Variants in ENOX1 observed in about 807,000 individuals in gnomAD.
ENOX1 encodes ecto-NOX disulfide-thiol exchanger 1.
A neutral mutation model predicts 82.5 loss-of-function variants in ENOX1; 42 were observed. The observed-to-expected ratio is 0.51, with a 90% CI of 0.40 to 0.66. The LOEUF is 0.66. Among genes scored for constraint, ENOX1 ranks in the 30% least tolerant of loss-of-function variants. ENOX1 has a pLI of 0.00. For missense variants in ENOX1, 608 were observed against 811.6 expected (o/e 0.75, Z 3.05); for synonymous variants, 271 against 282.2 (o/e 0.96, Z 0.40).
chr13:43,663,564 T>G (rs1009688710), intron 2 of ENOX1, among the ~76,000 whole-genome samples: 2 of 152,190 alleles, frequency 1.3e-5, no homozygotes, highest in African/African-American at 4.8e-5. Context: ...CTTAGTTTTA[T>G]AGCTCCATCA....
chr13:43,312,824 T>C (rs1054579516), intron 11 of ENOX1, among the ~76,000 whole-genome samples: 17 of 152,140 alleles, frequency 1.1e-4, no homozygotes, highest in Admixed American at 5.2e-4. Flanking sequence ...GTTGCCTATA[T>C]TGAAGCAAAT....
At chr13:43,303,142 G>T (rs1321586395) in intron 11 of ENOX1, among the ~76,000 whole-genome samples, 1 of 152,194 alleles carries the variant, frequency 6.6e-6, no homozygotes, top group Non-Finnish European at 1.5e-5. Context: ...TCTTTTTCAA[G>T]AATTTCATTG....
chr13:43,397,181 C>G (rs541882074), intron 5 of ENOX1, among the ~76,000 whole-genome samples: 1 of 152,226 alleles, frequency 6.6e-6, no homozygotes, highest in Non-Finnish European at 1.5e-5. Context: ...ATGAAATCAT[C>G]GTTTTCCTCT....
intron 2 of ENOX1, among the ~76,000 whole-genome samples, chr13:43,539,084 A>G (rs887457781): frequency 6.6e-6 from 1 of 152,126 alleles, no homozygotes; most frequent in African/African-American, 2.4e-5. Flanking sequence ...CGGCCTCCAT[A>G]GTCACTGGGA....
chr13:43,335,140 T>C (rs1024170500), intron 9 of ENOX1, among the ~76,000 whole-genome samples: 8 of 152,208 alleles, frequency 5.3e-5, no homozygotes, highest in Non-Finnish European at 7.3e-5. Context: ...ATAGCAATTA[T>C]TTTTGGCTTT....
chr13:43,689,484 G>T (rs938275057), intron 1 of ENOX1, among the ~76,000 whole-genome samples: 2 of 152,182 alleles, frequency 1.3e-5, no homozygotes, highest in African/African-American at 4.8e-5. Flanking sequence ...TCTCTGACAA[G>T]CTGACATTAT....
intron 3 of ENOX1, among the ~76,000 whole-genome samples, chr13:43,454,924 C>T (rs1390937666): frequency 6.6e-6 from 1 of 151,952 alleles, no homozygotes. Flanking sequence ...CCGTCCAGCC[C>T]CTCTGGTCTA....
intron 5 of ENOX1, among the ~76,000 whole-genome samples, chr13:43,404,425 T>C (rs1338433493): frequency 6.6e-6 from 1 of 152,210 alleles, no homozygotes; most frequent in Non-Finnish European, 1.5e-5. Flanking sequence ...TTTAGAACTT[T>C]CTCATCTTTT....
At chr13:43,697,083 T>A (rs1293487998) in intron 1 of ENOX1, among the ~76,000 whole-genome samples, 2 of 152,102 alleles carry the variant, frequency 1.3e-5, no homozygotes, top group Non-Finnish European at 2.9e-5. Flanking sequence ...GTTTTTGGCA[T>A]GGAAGATGGG....
rs568242387 is a variant in ENOX1 at position 43,695,716 on chromosome 13, G to A, written c.-284-28172C>T. ...GCCCGCCTCAGCCTTCCAAAGTGCT[G>A]GGATTACAGGCGTGAGCCACCGCAC... On this transcript the variant is annotated intron_variant, in intron 1 of 16. Transcript: ENST00000690772. Among the ~76,000 whole-genome samples the A allele has an allele frequency of 7.8e-4, 119 of 152,190 alleles. 1 individual carries two copies. The highest frequency in any genetic ancestry group is 7.8e-4 in the Non-Finnish European group (53 of 67,994).
intron 3 of ENOX1, among the ~76,000 whole-genome samples, chr13:43,444,160 T>C (rs1470038515): frequency 6.6e-6 from 1 of 152,172 alleles, no homozygotes; most frequent in Non-Finnish European, 1.5e-5. Flanking sequence ...CAGACTGCAA[T>C]AGCACCCCTT....
intron 1 of ENOX1, among the ~76,000 whole-genome samples, chr13:43,705,100 A>T (rs1165041696): frequency 6.6e-6 from 1 of 152,072 alleles, no homozygotes; most frequent in Non-Finnish European, 1.5e-5. Context: ...AAATTATTTA[A>T]CCTAAAAAAT....
intron 5 of ENOX1, among the ~76,000 whole-genome samples, chr13:43,380,109 C>CA (rs1418811913): frequency 2.0e-5 from 3 of 151,516 alleles, no homozygotes; most frequent in Non-Finnish European, 4.4e-5. Flanking sequence ...CTTTTTCTGA[C>CA]ATAATAAGCT....
chr13:43,577,648 C>T (rs1325136266), intron 2 of ENOX1, among the ~76,000 whole-genome samples: 1 of 152,170 alleles, frequency 6.6e-6, no homozygotes, highest in Admixed American at 6.5e-5. Context: ...CCCTCACAAC[C>T]CAAAATCCTC....
At chr13:43,358,455 G>C (rs764066561) in intron 7 of ENOX1, among the ~76,000 whole-genome samples, 1 of 150,352 alleles carries the variant, frequency 6.7e-6, no homozygotes, top group Non-Finnish European at 1.5e-5. Flanking sequence ...GGGCGGGGGC[G>C]GGGGGTCCTG....
rs79135842 is a variant in ENOX1 at position 43,554,128 on chromosome 13, A to C, written c.-218-69976T>G. ...AATAATTACAGGTGGATCCTAGATAAGGAGACATTCCTTGTTACTTCCAAA... is the reference window on the plus strand; with the variant it reads ...AATAATTACAGGTGGATCCTAGATACGGAGACATTCCTTGTTACTTCCAAA... On this transcript the variant is annotated intron_variant, in intron 2 of 16. Transcript: ENST00000690772. Among the ~76,000 whole-genome samples, 806 of 152,288 alleles carry C rather than the reference A, an allele frequency of 5.3e-3. 8 individuals are homozygous for C. The highest frequency in any genetic ancestry group is 0.019 in the African/African-American group (773 of 41,550).
chr13:43,370,901 T>C (rs1188303721), intron 5 of ENOX1, among the ~76,000 whole-genome samples: 3 of 102,140 alleles, frequency 2.9e-5, no homozygotes, highest in African/African-American at 7.8e-5. Flanking sequence ...ATATCCCCCC[T>C]GTCCCCACCC....
chr13:43,656,043 GTAAGAAACC>G (rs1291639093), intron 2 of ENOX1, among the ~76,000 whole-genome samples: 121 of 152,250 alleles, frequency 7.9e-4, no homozygotes, highest in African/African-American at 2.8e-3. Flanking sequence ...GATGTCTCAA[GTAAGAAACC>G]TCTCAAAAAT....
intron 1 of ENOX1, among the ~76,000 whole-genome samples, chr13:43,721,625 G>A (rs1210877487): frequency 6.6e-5 from 10 of 151,940 alleles, no homozygotes; most frequent in Non-Finnish European, 1.2e-4. Context: ...TGATCCGCCC[G>A]CCTCAGCCTC....
Sources: gnomAD v4.1 joint callset for allele counts (sites outside exome capture counted in the v4.1 genomes callset) on GRCh38, gnomAD v4.1.1 for gene constraint, MANE v1.5 for transcripts, NCBI Gene and HGNC (gene_info 2026-07-23, HGNC 2026-07-21) for gene names.